ZMAT5: variants seen among roughly 807,000 people sequenced by gnomAD.
The protein encoded by ZMAT5 is zinc finger matrin-type 5, also known as zinc finger matrin-type protein 5.
A neutral mutation model predicts 28.0 loss-of-function variants in ZMAT5; 23 were observed. That is an observed-to-expected ratio of 0.82 (90% confidence interval 0.59 to 1.16). The LOEUF is 1.16. Ranked by LOEUF, ZMAT5 falls within the 50% of genes most tolerant of loss-of-function variation. ZMAT5 has a pLI of 0.00. For synonymous variants in ZMAT5, 76 were observed against 84.1 expected (o/e 0.90, Z 0.52); for missense variants, 173 against 212.7 (o/e 0.81, Z 1.16).
rs376004040 is a variant in ZMAT5, at chr22:29,740,733, G to C, written c.191-3C>G. 2 of 1,590,572 alleles carry C rather than the reference G, an allele frequency of 1.3e-6. No homozygotes were observed. Among genetic ancestry groups the C allele is most frequent in the African/African-American group, 2.7e-5 (2 of 74,792 alleles). On this transcript the variant is annotated splice_region_variant and splice_polypyrimidine_tract_variant and intron_variant, in intron 3 of 5. Transcript: ENST00000344318. ...GTTGGAGCCAAAGTCGCACTGGCCT[G>C]CAGCAGGAAGACAGAGTTACTCGCT...
chr22:29,751,999 T>C (rs1412690064), intron 1 of ZMAT5, among the ~76,000 whole-genome samples: 1 of 151,834 alleles, frequency 6.6e-6, no homozygotes, highest in African/African-American at 2.4e-5. Context: ...CAAATCATAA[T>C]AATGACAATT....
At chr22:29,763,771 C>T (rs2068182106) in intron 1 of ZMAT5, among the ~76,000 whole-genome samples, 1 of 151,906 alleles carries the variant, frequency 6.6e-6, no homozygotes, top group Admixed American at 6.6e-5. Context: ...TTAGTCTTTA[C>T]AAAAAATCTA....
intron 3 of ZMAT5, among the ~76,000 whole-genome samples, chr22:29,741,273 G>A (rs105311): frequency 0.46 from 70,437 of 151,986 alleles, 16,637 homozygotes; most frequent in East Asian, 0.6. Flanking sequence ...AATGTATGTC[G>A]AGATACTGGG....
At chr22:29,735,534 A>C (rs2067896113) in intron 5 of ZMAT5, among the ~76,000 whole-genome samples, 1 of 152,214 alleles carries the variant, frequency 6.6e-6, no homozygotes, top group Admixed American at 6.5e-5. Flanking sequence ...AGCCACACAG[A>C]GCCTTGGGCC....
chr22:29,738,965 C>T (rs1295207758), intron 4 of ZMAT5, among the ~76,000 whole-genome samples: 11 of 151,460 alleles, frequency 7.3e-5, no homozygotes, highest in South Asian at 6.3e-4. Context: ...GAGCTAAGAT[C>T]GCACCACTGC....
intron 1 of ZMAT5, among the ~76,000 whole-genome samples, chr22:29,760,974 G>C (rs1392254559): frequency 6.6e-6 from 1 of 152,026 alleles, no homozygotes; most frequent in African/African-American, 2.4e-5. Context: ...GTATATTTTG[G>C]AATTAAAAAG....
chr22:29,755,440 A>C (rs1191936733), intron 1 of ZMAT5, among the ~76,000 whole-genome samples: 1 of 152,016 alleles, frequency 6.6e-6, no homozygotes, highest in Non-Finnish European at 1.5e-5. Context: ...AAGGAAACAA[A>C]GAGAAAGAAA....
At chr22:29,751,221 G>A (rs1034779) in intron 1 of ZMAT5, among the ~76,000 whole-genome samples, 20,361 of 152,062 alleles carry the variant, frequency 0.13, 1,503 homozygotes, top group South Asian at 0.24. Context: ...GGAACAGAAC[G>A]GTGGCTCTGC....
At chr22:29,745,723 C>T (rs1380996724) in intron 2 of ZMAT5, among the ~76,000 whole-genome samples, 1 of 152,258 alleles carries the variant, frequency 6.6e-6, no homozygotes, top group Non-Finnish European at 1.5e-5. Context: ...TGGTGCCCTG[C>T]ACCTGACCAT....
intron 5 of ZMAT5, among the ~76,000 whole-genome samples, chr22:29,737,051 G>C (rs1224689285): frequency 6.9e-6 from 1 of 144,814 alleles, no homozygotes; most frequent in South Asian, 2.2e-4. Flanking sequence ...AGCCGAGTGT[G>C]GTGGCTCATG....
chr22:29,740,882 C>T (rs2067956042), intron 3 of ZMAT5, 152 bp from the exon 4 acceptor site: 1 of 673,366 alleles, frequency 1.5e-6, no homozygotes, highest in Non-Finnish European at 2.5e-6. Context: ...TGGAATCTCT[C>T]CGGCCCTGCC....
At chr22:29,763,944 C>T (rs2068183989) in intron 1 of ZMAT5, among the ~76,000 whole-genome samples, 1 of 151,678 alleles carries the variant, frequency 6.6e-6, no homozygotes, top group Non-Finnish European at 1.5e-5. Flanking sequence ...AGAGTAAGAC[C>T]CTTTCTCAAA....
At chr22:29,749,124 G>A (rs1911235795) in intron 1 of ZMAT5, among the ~76,000 whole-genome samples, 3 of 151,910 alleles carry the variant, frequency 2.0e-5, no homozygotes, top group Non-Finnish European at 4.4e-5. Flanking sequence ...GTCACCCAGG[G>A]TGGAGTGCAG....
At chr22:29,763,607 A>AAATAATAATAAT (rs936861135) in intron 1 of ZMAT5, among the ~76,000 whole-genome samples, 22 of 151,104 alleles carry the variant, frequency 1.5e-4, no homozygotes, top group African/African-American at 5.4e-4. Context: ...GTCTCAAACA[A>AAATAATAATAAT]AATAATAATA....
intron 2 of ZMAT5, chr22:29,747,975 G>C: frequency 2.1e-5 from 5 of 235,242 alleles, no homozygotes; most frequent in Non-Finnish European, 3.4e-5. Flanking sequence ...TCCGCCCCCT[G>C]CTTATGATGG....
intron 1 of ZMAT5, among the ~76,000 whole-genome samples, chr22:29,754,671 G>A (rs748607652): frequency 6.6e-6 from 1 of 152,064 alleles, no homozygotes; most frequent in Admixed American, 6.6e-5. Flanking sequence ...AGGAGCTCGA[G>A]ACCAGCCTGG....
intron 1 of ZMAT5, among the ~76,000 whole-genome samples, chr22:29,761,766 TAG>T (rs939046416): frequency 7.2e-5 from 11 of 152,160 alleles, no homozygotes; most frequent in African/African-American, 2.7e-4. Context: ...AGTTAAAATA[TAG>T]AGTTAGTGAC....
At chr22:29,749,147 G>A (rs1220862413) in intron 1 of ZMAT5, among the ~76,000 whole-genome samples, 1 of 152,026 alleles carries the variant, frequency 6.6e-6, no homozygotes, top group African/African-American at 2.4e-5. Flanking sequence ...GTGTGATCAC[G>A]GCTTACTGTA....
rs1344362438 is a variant in ZMAT5, at chr22:29,731,216, G to A, written c.*9C>T. 2 of 1,490,150 alleles carry A rather than the reference G, an allele frequency of 1.3e-6. No homozygotes were observed. Among genetic ancestry groups the A allele is most frequent in the African/African-American group, 1.5e-5 (1 of 67,498 alleles). The allele number at this position is 1,490,150 out of a possible 1,614,324, so 92.3% of individuals were successfully genotyped here. On this transcript the variant is annotated 3_prime_UTR_variant, in exon 6 of 6. Transcript: ENST00000344318. ...GTGACCACGTGGGGGTCAGTCGGGG[G>A]CAAGGGGCTCAGCCCCACTGGACTC... is the stretch of plus-strand genomic sequence containing the variant.
Sources: allele counts gnomAD v4.1 joint callset (sites outside exome capture counted in the v4.1 genomes callset), GRCh38; gene constraint gnomAD v4.1.1; transcripts MANE v1.5; gene names NCBI Gene and HGNC (gene_info 2026-07-23, HGNC 2026-07-21).